AKAP19: variants seen among roughly 807,000 people sequenced by gnomAD.
The protein encoded by AKAP19 is A-kinase anchoring protein 19, also known as small A-kinase anchoring protein.
the AKAP19 span, among the ~76,000 whole-genome samples, chr2:189,962,602 T>C: frequency 3.9e-5 from 6 of 152,214 alleles, no homozygotes; most frequent in East Asian, 1.9e-4. Flanking sequence ...AAGATAAATA[T>C]ATACCTTACA....
the AKAP19 span, among the ~76,000 whole-genome samples, chr2:190,176,274 A>G: frequency 6.6e-6 from 1 of 152,236 alleles, no homozygotes; most frequent in South Asian, 2.1e-4. The surrounding 1 kb of genome is among the most constrained non-coding windows in gnomAD (Gnocchi z 4.7). Flanking sequence ...AAGGTTTTAA[A>G]GCCTGCTTGG....
At chr2:190,181,237 G>T in the AKAP19 span, 1 of 812,026 alleles carries the variant, frequency 1.2e-6, no homozygotes, top group East Asian at 1.2e-4. Context: ...TTAATTAAAC[G>T]AGACCGTTCT....
At chr2:189,885,071 T>A in the AKAP19 span, among the ~76,000 whole-genome samples, 1 of 152,204 alleles carries the variant, frequency 6.6e-6, no homozygotes, top group African/African-American at 2.4e-5. Flanking sequence ...GATTTATATA[T>A]CTCAAAAATG....
At chr2:189,880,830 T>C in the AKAP19 span, among the ~76,000 whole-genome samples, 1 of 152,210 alleles carries the variant, frequency 6.6e-6, no homozygotes, top group Non-Finnish European at 1.5e-5. Flanking sequence ...AAACCAAAGT[T>C]ACCAGGCAAA....
chr2:190,173,039 C>T, the AKAP19 span, among the ~76,000 whole-genome samples: 676 of 151,484 alleles, frequency 4.5e-3, 4 homozygotes, highest in African/African-American at 0.015. Context: ...CACTTGAACC[C>T]GGGAGGCAGA....
At chr2:189,921,512 G>T in the AKAP19 span, among the ~76,000 whole-genome samples, 1 of 152,120 alleles carries the variant, frequency 6.6e-6, no homozygotes, top group Non-Finnish European at 1.5e-5. Flanking sequence ...GGGATTAAAG[G>T]CATAAACTAT....
At chr2:190,178,604 C>G in the AKAP19 span, among the ~76,000 whole-genome samples, 1 of 152,210 alleles carries the variant, frequency 6.6e-6, no homozygotes, top group African/African-American at 2.4e-5. The surrounding 1 kb of genome is among the most constrained non-coding windows in gnomAD (Gnocchi z 6.3). Context: ...CTTGGCCAGC[C>G]CTATGATGGC....
the AKAP19 span, among the ~76,000 whole-genome samples, chr2:190,045,807 C>T: frequency 2.6e-5 from 4 of 152,316 alleles, no homozygotes; most frequent in Non-Finnish European, 5.9e-5. Flanking sequence ...TAAACTCCCA[C>T]TTTGCCAGAG....
chr2:189,992,050 ATT>A, the AKAP19 span, among the ~76,000 whole-genome samples: 2,797 of 121,942 alleles, frequency 0.023, 48 homozygotes, highest in African/African-American at 0.066. Flanking sequence ...TATTAAATAG[ATT>A]TTTTTTTTTT....
the AKAP19 span, among the ~76,000 whole-genome samples, chr2:190,012,821 C>G: frequency 6.6e-6 from 1 of 152,024 alleles, no homozygotes; most frequent in East Asian, 1.9e-4. Flanking sequence ...ATCATAAAAT[C>G]ATGTTTAATT....
the AKAP19 span, among the ~76,000 whole-genome samples, chr2:190,017,465 C>T: frequency 6.6e-6 from 1 of 152,058 alleles, no homozygotes; most frequent in Admixed American, 6.5e-5. Context: ...TCATGAGGCT[C>T]ACATAGACAT....
At chr2:189,966,619 G>C in the AKAP19 span, among the ~76,000 whole-genome samples, 7 of 152,132 alleles carry the variant, frequency 4.6e-5, no homozygotes. Flanking sequence ...CCTGATTCTG[G>C]TGGCGGTTAG....
the AKAP19 span, among the ~76,000 whole-genome samples, chr2:190,121,651 T>C: frequency 6.6e-6 from 1 of 152,184 alleles, no homozygotes; most frequent in East Asian, 1.9e-4. Context: ...TTTTGGGGAT[T>C]AAGGAATTAA....
At chr2:189,982,992 A>C in the AKAP19 span, among the ~76,000 whole-genome samples, 14 of 152,282 alleles carry the variant, frequency 9.2e-5, no homozygotes, top group African/African-American at 2.9e-4. Flanking sequence ...AGTAGATGGC[A>C]CTGAAGAGTA....
the AKAP19 span, among the ~76,000 whole-genome samples, chr2:190,052,305 C>T: frequency 1.3e-5 from 2 of 152,100 alleles, no homozygotes. Flanking sequence ...AATCCTGAAG[C>T]CTAGCGATTG....
the AKAP19 span, among the ~76,000 whole-genome samples, chr2:189,920,304 T>C: frequency 4.6e-5 from 7 of 152,224 alleles, no homozygotes; most frequent in African/African-American, 1.7e-4. Context: ...TCATTCTCAA[T>C]ATGTAACTTC....
At chr2:189,913,400 C>T in the AKAP19 span, among the ~76,000 whole-genome samples, 1 of 151,914 alleles carries the variant, frequency 6.6e-6, no homozygotes, top group Non-Finnish European at 1.5e-5. Context: ...TAAAAATTAT[C>T]CAGATTTATT....
chr2:189,926,782 A>T, the AKAP19 span, among the ~76,000 whole-genome samples: 1 of 151,202 alleles, frequency 6.6e-6, no homozygotes, highest in African/African-American at 2.4e-5. Flanking sequence ...ACGGGGTTTC[A>T]CTGTGTTAGC....
At chr2:189,916,081 T>C in the AKAP19 span, among the ~76,000 whole-genome samples, 1 of 152,078 alleles carries the variant, frequency 6.6e-6, no homozygotes, top group Non-Finnish European at 1.5e-5. Flanking sequence ...TGTTTTACAT[T>C]TTTGAAGTCT....
Sources: gnomAD v4.1 joint callset for allele counts (sites outside exome capture counted in the v4.1 genomes callset) on GRCh38, gnomAD v4.1.1 for gene constraint, Gnocchi (gnomAD v3.1) non-coding constraint, MANE v1.5 for transcripts, NCBI Gene and HGNC (gene_info 2026-07-23, HGNC 2026-07-21) for gene names.